Variants in TMEM8B observed in about 807,000 individuals in gnomAD.
TMEM8B encodes nasopharyngeal carcinoma expressed 6.
A neutral mutation model predicts 49.3 loss-of-function variants in TMEM8B; 29 were observed. That is an observed-to-expected ratio of 0.59 (90% CI 0.44 to 0.80). The LOEUF (loss-of-function observed/expected upper bound fraction) is 0.80. Ranked by LOEUF, TMEM8B falls within the 30% of genes least tolerant of loss-of-function variation. The probability of loss-of-function intolerance (pLI) is 0.00; values close to 1 mark genes in which losing one functional copy is unlikely to be tolerated. For synonymous variants in TMEM8B, 264 were observed against 272.8 expected, an observed-to-expected ratio of 0.97 and a Z score of 0.32; for missense variants, 575 against 658.5, an observed-to-expected ratio of 0.87 and a Z score of 1.39.
intron 8 of TMEM8B, 39 bp downstream of exon 8, chr9:35,846,420 C>T (rs754792358): frequency 1.2e-6 from 2 of 1,601,202 alleles, no homozygotes; most frequent in Non-Finnish European, 1.7e-6. Context: ...GGGACCGGGA[C>T]TTGGCGGGGG....
chr9:35,853,644 A>G lies in TMEM8B; in HGVS notation c.2579A>G (p.Tyr860Cys). The G allele has an allele frequency of 1.9e-6, 3 of 1,614,206 alleles. No individual in the cohort carries two copies. The highest frequency in any genetic ancestry group is 2.5e-6 in the Non-Finnish European group (3 of 1,180,030). Residue 860 changes from tyrosine (Y) to cysteine (C), a missense_variant, in exon 13 of 13, where the codon TAC becomes TGC. Physicochemically the swap from Tyr to Cys is radical, Grantham distance 194. Transcript: ENST00000643932. The surrounding 1 kb of genome is among the most constrained non-coding windows in gnomAD (Gnocchi z 4.2). The part of the protein sequence containing the change: ...AFVETRDNYF[Y>C]IHSIWHMLIA... ...GTGGAGACCCGGGACAACTACTTCT[A>G]CATTCACAGCATTTGGCATATGCTC... is the stretch of plus-strand genomic sequence containing the variant.
At chr9:35,852,778 C>G in intron 10 of TMEM8B, 49 bp from the exon 11 acceptor site, 1 of 1,611,444 alleles carries the variant, frequency 6.2e-7, no homozygotes, top group Non-Finnish European at 8.5e-7. Flanking sequence ...TTTTGTAGAT[C>G]TGGACCTCTG....
chr9:35,839,705 A>G (rs536795135), intron 3 of TMEM8B, among the ~76,000 whole-genome samples: 181 of 152,200 alleles, frequency 1.2e-3, no homozygotes, highest in Non-Finnish European at 2.2e-3. Flanking sequence ...TCACTACAAG[A>G]TTATTGTGGT....
Position 35,853,519 on chromosome 9 carries a change from C to T in TMEM8B, c.2454C>T (p.Val818=). 6.2e-7 allele frequency: 1 copy of T among 1,613,260 alleles called. No homozygotes were observed. The highest frequency in any genetic ancestry group is 8.5e-7 in the Non-Finnish European group (1 of 1,179,766). The change falls in exon 13 of 13, where the codon GTC becomes GTT. Residue 818 remains valine, a synonymous_variant. Transcript: ENST00000643932. This position sits in a 1 kb window ranked among gnomAD's most constrained non-coding sequence, Gnocchi z 4.2. ...GTCTCCCCCAGACAGTACGCAGCGTCCGCCGCCGGCACTGCTACCCACCCA... is the reference window on the plus strand; with the variant it reads ...GTCTCCCCCAGACAGTACGCAGCGTTCGCCGCCGGCACTGCTACCCACCCA... ...ILATAWTVRS[V]RRRHCYPPTW...
chr9:35,849,155 C>T (rs1831912071), intron 10 of TMEM8B, among the ~76,000 whole-genome samples: 2 of 152,128 alleles, frequency 1.3e-5, no homozygotes, highest in Non-Finnish European at 2.9e-5. Flanking sequence ...TTTCATTCTG[C>T]AGCAGTGTCC....
intron 1 of TMEM8B, chr9:35,833,331 T>C (rs35274950): frequency 0.2 from 199,796 of 984,896 alleles, 20,636 homozygotes; most frequent in East Asian, 0.36. Context: ...TTCTCACCTG[T>C]CCTGGAGGTG....
rs1049113719 is a variant in TMEM8B, at chr9:35,864,488, A to G, written c.*10648A>G. ...TGGAGTCAGACGGGACTAGGGTCCAAGCCCCAGCTCTTCCACTTGTTAACA... is the reference window on the plus strand; with the variant it reads ...TGGAGTCAGACGGGACTAGGGTCCAGGCCCCAGCTCTTCCACTTGTTAACA... On this transcript the variant is annotated 3_prime_UTR_variant, in exon 13 of 13. Transcript: ENST00000643932. The G allele has an allele frequency of 2.6e-5, 4 of 152,326 alleles. No homozygotes were observed. The highest frequency in any genetic ancestry group is 9.6e-5 in the African/African-American group (4 of 41,572). The allele number at this position is 152,326 out of a possible 1,614,324, so 9.4% of individuals were successfully genotyped here.
Position 35,829,677 on chromosome 9 carries a change from T to G in TMEM8B, c.230T>G (p.Leu77Trp). Reference protein sequence around the residue: ...QALSQPHSQCLLKALAQPRPL... With the variant: ...QALSQPHSQCWLKALAQPRPL... ...CTGTCCCAGCCCCATTCCCAGTGTT[T>G]GCTTAAGGCCCTGGCTCAACCCCGT... Residue 77 changes from leucine (L) to tryptophan (W), a missense_variant, in exon 1 of 13, where the codon TTG becomes TGG. Coordinates refer to ENST00000643932, the MANE Select transcript of TMEM8B (RefSeq NM_001042590.4). 2.5e-6 allele frequency: 1 copy of G among 402,132 alleles called. No individual in the cohort carries two copies. Among genetic ancestry groups the G allele is most frequent in the Non-Finnish European group, 4.4e-6 (1 of 226,710 alleles). 24.9% of individuals were successfully genotyped at this position (402,132 alleles called of 1,614,324 possible). A position where few individuals can be genotyped will look rare whatever the true frequency, so the allele number is the denominator to read the frequency against.
At chr9:35,846,177 C>T (rs1227005684) in intron 7 of TMEM8B, 81 bp from the exon 8 acceptor site, 3 of 1,606,824 alleles carry the variant, frequency 1.9e-6, no homozygotes, top group Non-Finnish European at 2.6e-6. Context: ...GCTAGGGTTC[C>T]GGGAAGTGGG....
intron 3 of TMEM8B, among the ~76,000 whole-genome samples, chr9:35,837,940 G>A (rs1010167176): frequency 3.9e-5 from 6 of 152,124 alleles, no homozygotes; most frequent in Admixed American, 6.5e-5. Flanking sequence ...ACTCCCAAAT[G>A]TCTAGAGTGC....
Position 35,860,626 on chromosome 9 carries a change from G to A in TMEM8B, c.*6786G>A, listed in dbSNP as rs1832633468. 6.8e-6 allele frequency: 1 copy of A among 147,150 alleles called. No individual in the cohort carries two copies. Among genetic ancestry groups the A allele is most frequent in the African/African-American group, 2.5e-5 (1 of 40,272 alleles). 9.1% of individuals were successfully genotyped at this position (147,150 alleles called of 1,614,324 possible). On this transcript the variant is annotated 3_prime_UTR_variant, in exon 13 of 13. Transcript: ENST00000643932. ...CATAGGATGTGTAAGCTTGATTTCT[G>A]GTCATCTCTCCTTAAGGAATCATGG...
chr9:35,845,535 G>C, intron 6 of TMEM8B: 3 of 985,424 alleles, frequency 3.0e-6, no homozygotes, highest in Non-Finnish European at 3.6e-6. Flanking sequence ...CATTTCACCT[G>C]AGTTGGAGTG....
intron 1 of TMEM8B, among the ~76,000 whole-genome samples, chr9:35,833,859 G>C (rs958684128): frequency 1.3e-5 from 2 of 152,116 alleles, no homozygotes; most frequent in African/African-American, 4.8e-5. Flanking sequence ...CCTGCCCTGA[G>C]CCAGTATACA....
At chr9:35,847,700 G>A (rs1831744686) in intron 10 of TMEM8B, among the ~76,000 whole-genome samples, 1 of 152,142 alleles carries the variant, frequency 6.6e-6, no homozygotes, top group African/African-American at 2.4e-5. Flanking sequence ...CCAGCTCAAA[G>A]GAGTGCATTT....
intron 1 of TMEM8B, among the ~76,000 whole-genome samples, chr9:35,831,446 GA>G (rs1202023205): frequency 6.6e-6 from 1 of 152,188 alleles, no homozygotes; most frequent in Non-Finnish European, 1.5e-5. Context: ...CTCCCATAAC[GA>G]ATATAAGTTA....
intron 6 of TMEM8B, among the ~76,000 whole-genome samples, chr9:35,843,233 T>G (rs1831198475): frequency 1.3e-5 from 2 of 152,296 alleles, no homozygotes; most frequent in East Asian, 1.9e-4. Context: ...CAGACTTAAT[T>G]TTTTTTAGAG....
chr9:35,842,502 C>A lies in TMEM8B; in HGVS notation c.1420C>A (p.Pro474Thr). 6.2e-7 allele frequency: 1 copy of A among 1,610,526 alleles called. No individual in the cohort carries two copies. Among genetic ancestry groups the A allele is most frequent in the Non-Finnish European group, 8.5e-7 (1 of 1,177,724 alleles). Residue 474 changes from proline to threonine, a missense_variant, in exon 6 of 13, where the codon CCT becomes ACT. Coordinates refer to ENST00000643932, the MANE Select transcript of TMEM8B (RefSeq NM_001042590.4). The surrounding 1 kb of genome is among the most constrained non-coding windows in gnomAD (Gnocchi z 5.6). ...LPPEPPSLGT[P>T]AEGPGTTSPP... is the part of the protein sequence containing the mutation. ...CCCAGAACCGCCATCCCTTGGAACC[C>A]CTGCGGAGGGGCCTGGGACCACGTC... is the stretch of plus-strand genomic sequence containing the variant.
intron 1 of TMEM8B, among the ~76,000 whole-genome samples, chr9:35,831,181 T>C (rs1427382070): frequency 6.6e-6 from 1 of 152,086 alleles, no homozygotes; most frequent in Non-Finnish European, 1.5e-5. Context: ...AACTGAGGGA[T>C]TGTGGGGAGG....
chr9:35,846,860 C>T lies in TMEM8B; in HGVS notation c.2040C>T (p.Thr680=), dbSNP rs557485083. 6.2e-7 allele frequency: 1 copy of T among 1,614,208 alleles called. No individual in the cohort carries two copies. The highest frequency in any genetic ancestry group is 8.5e-7 in the Non-Finnish European group (1 of 1,180,036). Residue 680 remains threonine (T), a synonymous_variant, in exon 10 of 13, where the codon ACC becomes ACT. Coordinates refer to ENST00000643932, the MANE Select transcript of TMEM8B (RefSeq NM_001042590.4). ...WGCTDSADAL[T]YGFQLLSTLL... is the part of the protein sequence containing the mutation. ...GCACCGACAGTGCAGATGCGCTCAC[C>T]TATGGATTCCAGCTGCTGTCCACAC... is the stretch of plus-strand genomic sequence containing the variant.
Sources: allele counts gnomAD v4.1 joint callset (sites outside exome capture counted in the v4.1 genomes callset), GRCh38; gene constraint gnomAD v4.1.1; non-coding constraint Gnocchi (gnomAD v3.1); transcripts MANE v1.5; gene names NCBI Gene and HGNC (gene_info 2026-07-23, HGNC 2026-07-21).